The following ZHX2 variants were observed in gnomAD, a reference collection of about 807,000 sequenced individuals.
The protein encoded by ZHX2 is zinc fingers and homeoboxes 2.
In ZHX2, 6 loss-of-function variants were observed where a neutral mutation model predicts 21.9. That is an observed-to-expected ratio of 0.27 (90% CI 0.15 to 0.54). The LOEUF is 0.54. Among genes scored for constraint, ZHX2 ranks in the 20% least tolerant of loss-of-function variants. The probability of loss-of-function intolerance (pLI) is 0.95; values close to 1 mark genes in which losing one functional copy is unlikely to be tolerated. For synonymous variants in ZHX2, 434 were observed against 437.1 expected (o/e 0.99, Z 0.09); for missense variants, 908 against 1,090.7 (o/e 0.83, Z 2.36).
chr8:122,785,070 A>G (rs895046091), intron 1 of ZHX2, among the ~76,000 whole-genome samples: 2 of 152,260 alleles, frequency 1.3e-5, no homozygotes, highest in African/African-American at 4.8e-5. Context: ...AGGCTTAGAT[A>G]AGTGCTATGA....
intron 1 of ZHX2, among the ~76,000 whole-genome samples, chr8:122,835,948 G>A (rs1818485171): frequency 6.6e-6 from 1 of 152,114 alleles, no homozygotes; most frequent in Non-Finnish European, 1.5e-5. Context: ...CAGATATCTT[G>A]CCTGAGGCCT....
intron 3 of ZHX2, among the ~76,000 whole-genome samples, chr8:122,954,490 G>T (rs1025186726): frequency 4.6e-5 from 7 of 152,032 alleles, no homozygotes; most frequent in Non-Finnish European, 1.0e-4. Context: ...TAATATTTTG[G>T]TAGAGACGGG....
chr8:122,846,491 T>C (rs2130726721), intron 1 of ZHX2, among the ~76,000 whole-genome samples: 1 of 151,322 alleles, frequency 6.6e-6, no homozygotes, highest in East Asian at 1.9e-4. Context: ...TTGGGTCTGA[T>C]ACAAGAAACA....
chr8:122,814,988 C>T (rs1295850323), intron 1 of ZHX2, among the ~76,000 whole-genome samples: 2 of 152,286 alleles, frequency 1.3e-5, no homozygotes, highest in East Asian at 1.9e-4. Context: ...TTAGATGTTC[C>T]TGCCTTTCTT....
chr8:122,939,697 G>A (rs1184669395), intron 2 of ZHX2, among the ~76,000 whole-genome samples: 2 of 152,182 alleles, frequency 1.3e-5, no homozygotes, highest in Non-Finnish European at 2.9e-5. Context: ...GGCGAAGTTG[G>A]GAAATTCATA....
chr8:122,837,561 A>C (rs1818530964), intron 1 of ZHX2, among the ~76,000 whole-genome samples: 1 of 152,222 alleles, frequency 6.6e-6, no homozygotes, highest in South Asian at 2.1e-4. Context: ...AGATCTAGTC[A>C]GGGTGTAATT....
At chr8:122,800,297 G>T in intron 1 of ZHX2, among the ~76,000 whole-genome samples, 1 of 152,266 alleles carries the variant, frequency 6.6e-6, no homozygotes, top group South Asian at 2.1e-4. Flanking sequence ...ATCCCAGCCC[G>T]CATCCCATCC....
chr8:122,899,432 C>T (rs548177826), intron 2 of ZHX2, among the ~76,000 whole-genome samples: 4 of 152,214 alleles, frequency 2.6e-5, no homozygotes, highest in Admixed American at 2.6e-4. Flanking sequence ...TATTAGTGGT[C>T]GAAGCTCAGA....
At chr8:122,822,409 G>T (rs1818172474) in intron 1 of ZHX2, among the ~76,000 whole-genome samples, 1 of 152,152 alleles carries the variant, frequency 6.6e-6, no homozygotes, top group African/African-American at 2.4e-5. Flanking sequence ...AGTGGGATTT[G>T]CTCAAGGACC....
In ZHX2 at chr8:122,952,233, C is replaced by T. The variant is rs772287313; in HGVS notation, c.723C>T (p.His241=). The change falls in exon 3 of 4, where the codon CAC becomes CAT. Residue 241 remains histidine, a synonymous_variant. Transcript: ENST00000314393. This position sits in a 1 kb window ranked among gnomAD's most constrained non-coding sequence, Gnocchi z 6.9. ...AGCTCCTCCAAGACACATTAGGACA[C>T]GTCATGCCTTCTGTACAGCTGCCAC... ...GVELLQDTLG[H]VMPSVQLPPN... The T allele has an allele frequency of 2.9e-5, 46 of 1,613,842 alleles. No homozygotes were observed. The highest frequency in any genetic ancestry group is 3.4e-5 in the Non-Finnish European group (40 of 1,180,018).
At chr8:122,880,098 G>C (rs1261197826) in intron 2 of ZHX2, among the ~76,000 whole-genome samples, 1 of 150,096 alleles carries the variant, frequency 6.7e-6, no homozygotes, top group South Asian at 2.1e-4. Context: ...TCAGCCTCCC[G>C]AGTACCTGGG....
chr8:122,957,178 A>G (rs1400531674), intron 3 of ZHX2, among the ~76,000 whole-genome samples: 2 of 151,484 alleles, frequency 1.3e-5, no homozygotes, highest in African/African-American at 2.4e-5. Flanking sequence ...CAGCCAACAC[A>G]TGAGTTTGTC....
chr8:122,921,671 T>C (rs1406108652), intron 2 of ZHX2, among the ~76,000 whole-genome samples: 1 of 128,914 alleles, frequency 7.8e-6, no homozygotes, highest in African/African-American at 3.0e-5. Flanking sequence ...AGAGAGAAAG[T>C]GAGGAAGGGA....
intron 1 of ZHX2, among the ~76,000 whole-genome samples, chr8:122,790,580 G>T (rs990017724): frequency 6.6e-6 from 1 of 152,128 alleles, no homozygotes; most frequent in Admixed American, 6.5e-5. Flanking sequence ...ACAATCCTAA[G>T]AGAGGTTGGG....
intron 1 of ZHX2, among the ~76,000 whole-genome samples, chr8:122,843,402 G>A (rs1312888006): frequency 1.3e-5 from 2 of 152,152 alleles, no homozygotes; most frequent in Non-Finnish European, 2.9e-5. Context: ...CTCTATTATG[G>A]GAATTTCAAA....
intron 1 of ZHX2, among the ~76,000 whole-genome samples, chr8:122,789,171 T>A (rs1285063025): frequency 6.6e-6 from 1 of 152,204 alleles, no homozygotes; most frequent in Non-Finnish European, 1.5e-5. Flanking sequence ...GGAGAATGGC[T>A]GTGTTGCTGT....
rs72717995 is a variant in ZHX2, at chr8:122,928,339, G to A, written c.-219-22953G>A. Among the ~76,000 whole-genome samples the A allele has an allele frequency of 2.9e-3, 444 of 152,256 alleles. 3 individuals carry two copies. The highest frequency in any genetic ancestry group is 4.9e-3 in the Non-Finnish European group (334 of 68,032). ...CTGTGTCCCCAGTGCCTACACCAGG[G>A]GTCTGTCTGGCAAATCATCAGAAAA... On this transcript the variant is annotated intron_variant, in intron 2 of 3. Transcript: ENST00000314393.
chr8:122,835,481 T>C (rs1818473249), intron 1 of ZHX2, among the ~76,000 whole-genome samples: 2 of 152,064 alleles, frequency 1.3e-5, no homozygotes, highest in Admixed American at 1.3e-4. Flanking sequence ...CAGGCAATAC[T>C]AGAATTGTCC....
At chr8:122,955,796 C>G (rs1286003934) in intron 3 of ZHX2, among the ~76,000 whole-genome samples, 1 of 151,382 alleles carries the variant, frequency 6.6e-6, no homozygotes, top group Non-Finnish European at 1.5e-5. Context: ...TTAGAAGAAC[C>G]TACCAGTCTA....
Sources: gnomAD v4.1 joint callset for allele counts (sites outside exome capture counted in the v4.1 genomes callset) on GRCh38, gnomAD v4.1.1 for gene constraint, Gnocchi (gnomAD v3.1) non-coding constraint, MANE v1.5 for transcripts, NCBI Gene and HGNC (gene_info 2026-07-23, HGNC 2026-07-21) for gene names.